SNRPN: variants seen among roughly 807,000 people sequenced by gnomAD.
The protein encoded by SNRPN is small nuclear ribonucleoprotein polypeptide N, also known as small nuclear ribonucleoprotein-associated protein N.
Under a neutral mutation model 25.2 loss-of-function variants are expected in SNRPN, and 7 were observed. The observed-to-expected ratio is 0.28, with a 90% CI of 0.16 to 0.52. SNRPN has a LOEUF of 0.52. Ranked by LOEUF, SNRPN falls within the 20% of genes least tolerant of loss-of-function variation. The pLI is 0.96. For synonymous variants in SNRPN, 124 were observed against 110.6 expected (o/e 1.12, Z -0.76); for missense variants, 196 against 322.5 (o/e 0.61, Z 3.00).
chr15:24,953,931 T>C (rs2062479679), upstream of SNRPN, among the ~76,000 whole-genome samples: 1 of 152,190 alleles, frequency 6.6e-6, no homozygotes. Flanking sequence ...TAATGTAGGA[T>C]CATTGGGAAC....
At chr15:24,881,566 AG>A in intron 1 of SNRPN, among the ~76,000 whole-genome samples, 1 of 32,936 alleles carries the variant, frequency 3.0e-5, no homozygotes, top group Non-Finnish European at 7.0e-5. Context: ...GGAGGGAGGG[AG>A]GGAGGGAGGG....
rs536743387 is a variant in SNRPN at position 24,848,148 on chromosome 15, T to C, written c.-579+18243T>C. Among the ~76,000 whole-genome samples, 30 of 147,598 alleles carry C rather than the reference T, an allele frequency of 2.0e-4. 1 individual carries two copies. The highest frequency in any genetic ancestry group is 8.9e-4 in the Admixed American group (13 of 14,658). On this transcript the variant is annotated intron_variant, in intron 2 of 12. Coordinates refer to the SNRPN transcript ENST00000400100. Reference sequence around the variant, plus strand: ...ACCTCACAGGGCGGCCCGCAGCAAATGCGCCACTGTCCGGTGCGGCCAACC... The same window carrying C: ...ACCTCACAGGGCGGCCCGCAGCAAACGCGCCACTGTCCGGTGCGGCCAACC...
At chr15:24,927,692 A>G (rs2060514828) in intron 3 of SNRPN, among the ~76,000 whole-genome samples, 2 of 151,782 alleles carry the variant, frequency 1.3e-5, no homozygotes, top group South Asian at 4.2e-4. Flanking sequence ...ATTTGCCCCA[A>G]TAATGTTTTT....
chr15:24,967,916 T>G lies in SNRPN; in HGVS notation c.-294-16T>G, dbSNP rs757270619. On this transcript the variant is annotated splice_polypyrimidine_tract_variant and intron_variant, in intron 2 of 9. Transcript: ENST00000390687. ...ATGTATTTTTATCATTTATATATAT[T>G]GTGCTCTTGTTGTAGGTGTCAGTTG... is the stretch of plus-strand genomic sequence containing the variant. The G allele has an allele frequency of 5.0e-6, 8 of 1,604,790 alleles. No individual in the cohort carries two copies. In the Admixed American group the frequency reaches 1.2e-4, roughly 23 times the overall value.
intron 2 of SNRPN, among the ~76,000 whole-genome samples, chr15:24,914,006 T>A (rs578195497): frequency 6.6e-6 from 1 of 152,282 alleles, no homozygotes; most frequent in African/African-American, 2.4e-5. Flanking sequence ...TGCTATAAAT[T>A]CCTTTGGTAT....
chr15:24,973,367 C>T (rs1199420719), intron 3 of SNRPN, among the ~76,000 whole-genome samples: 1 of 152,112 alleles, frequency 6.6e-6, no homozygotes, highest in Non-Finnish European at 1.5e-5. Context: ...TGCATTTCTC[C>T]TAATGTGTCC....
chr15:24,859,925 A>G (rs1055905958), intron 1 of SNRPN, among the ~76,000 whole-genome samples: 6 of 152,168 alleles, frequency 3.9e-5, no homozygotes, highest in Non-Finnish European at 8.8e-5. Flanking sequence ...CGTCACCATC[A>G]TGGTTTTGGT....
At chr15:24,949,437 T>C (rs910178619) in intron 3 of SNRPN, among the ~76,000 whole-genome samples, 9 of 151,882 alleles carry the variant, frequency 5.9e-5, no homozygotes, top group Non-Finnish European at 1.0e-4. Flanking sequence ...ATTTTTTGAG[T>C]GTAGGAGTTG....
chr15:24,827,231 G>A (rs1423126220), intron 1 of SNRPN, among the ~76,000 whole-genome samples: 1 of 152,004 alleles, frequency 6.6e-6, no homozygotes, highest in Non-Finnish European at 1.5e-5. Context: ...AACACTGTAT[G>A]CAGCCGGGCG....
chr15:24,880,111 T>G (rs1413763797), intron 1 of SNRPN, among the ~76,000 whole-genome samples: 1 of 152,154 alleles, frequency 6.6e-6, no homozygotes, highest in Non-Finnish European at 1.5e-5. Flanking sequence ...AGGAAAATGG[T>G]GAAGTTGGAC....
chr15:24,892,293 G>A (rs2057742427), intron 2 of SNRPN, among the ~76,000 whole-genome samples: 1 of 152,206 alleles, frequency 6.6e-6, no homozygotes, highest in Admixed American at 6.5e-5. Flanking sequence ...TCTGACAGGG[G>A]AGGAAGACAG....
At chr15:24,865,070 A>C (rs1183390588) in intron 1 of SNRPN, among the ~76,000 whole-genome samples, 2 of 144,298 alleles carry the variant, frequency 1.4e-5, no homozygotes, top group Non-Finnish European at 1.5e-5. Flanking sequence ...TTTTTGAGAC[A>C]GAGTCTTACT....
chr15:24,848,213 G>GGGGGGCGGGGGAGGCGGC, intron 2 of SNRPN: 1 of 110,888 alleles, frequency 9.0e-6, no homozygotes. Flanking sequence ...GGACGGAGCT[G>GGGGGGCGGGGGAGGCGGC]GGGGGCGGGG....
chr15:24,945,688 G>T (rs1015176719), intron 3 of SNRPN, among the ~76,000 whole-genome samples: 3 of 152,174 alleles, frequency 2.0e-5, no homozygotes, highest in African/African-American at 7.2e-5. Flanking sequence ...TTTGTTGCTT[G>T]TGTTCCAGTT....
At chr15:24,858,430 G>C (rs943500284) in intron 1 of SNRPN, among the ~76,000 whole-genome samples, 2 of 150,762 alleles carry the variant, frequency 1.3e-5, no homozygotes, top group Non-Finnish European at 3.0e-5. Flanking sequence ...TAGTGTCCTG[G>C]GTAGTGAAAA....
chr15:24,854,080 T>C (rs1005441366), upstream of SNRPN, among the ~76,000 whole-genome samples: 4 of 149,682 alleles, frequency 2.7e-5, no homozygotes, highest in Non-Finnish European at 6.0e-5. Flanking sequence ...TACTAGTTTA[T>C]TTTGTTGTTC....
At chr15:24,927,828 T>C (rs2060522174) in intron 3 of SNRPN, among the ~76,000 whole-genome samples, 1 of 152,128 alleles carries the variant, frequency 6.6e-6, no homozygotes, top group Non-Finnish European at 1.5e-5. Flanking sequence ...TTTGTGACTT[T>C]TGAAGCATGC....
At chr15:24,901,505 A>G (rs898189467) in intron 2 of SNRPN, among the ~76,000 whole-genome samples, 2 of 152,208 alleles carry the variant, frequency 1.3e-5, no homozygotes, top group East Asian at 3.9e-4. Flanking sequence ...CATGAAAAGA[A>G]CACTTGTTTG....
intron 3 of SNRPN, among the ~76,000 whole-genome samples, chr15:24,944,510 C>A (rs1020970812): frequency 3.9e-5 from 6 of 152,128 alleles, no homozygotes; most frequent in African/African-American, 1.4e-4. Context: ...GTGGCCTGGC[C>A]AACATGGTGA....
Sources: gnomAD v4.1 joint callset for allele counts (sites outside exome capture counted in the v4.1 genomes callset) on GRCh38, gnomAD v4.1.1 for gene constraint, MANE v1.5 for transcripts, NCBI Gene and HGNC (gene_info 2026-07-23, HGNC 2026-07-21) for gene names.